Variants in GRIA3 observed in about 807,000 individuals in gnomAD.
GRIA3 encodes the protein glutamate ionotropic receptor AMPA type subunit 3.
GRIA3 carries 3 observed loss-of-function variants against 63.0 expected under a neutral mutation model. The ratio of observed to expected loss-of-function variants is 0.05; its 90% CI spans 0.02 to 0.12. GRIA3 has a LOEUF of 0.12. Among genes scored for constraint, GRIA3 ranks in the 10% least tolerant of loss-of-function variants. The pLI, the probability that GRIA3 is intolerant of heterozygous loss-of-function variation, is 1.00. For missense variants in GRIA3, 347 were observed against 700.9 expected, an observed-to-expected ratio of 0.50 and a Z score of 5.70; for synonymous variants, 274 against 257.9, an observed-to-expected ratio of 1.06 and a Z score of -0.60.
Position 123,279,010 on chromosome X carries a change from G to T in GRIA3, c.508+25468G>T, listed in dbSNP as rs771653700. Among the ~76,000 whole-genome samples the T allele has an allele frequency of 1.6e-4, 18 of 111,497 alleles. No homozygotes were observed. In the South Asian group the frequency reaches 3.8e-3, roughly 24 times the overall value. On this transcript the variant is annotated intron_variant, in intron 3 of 15. Transcript: ENST00000620443. ...TTGCATTGAGTCTGTAGATCACTTT[G>T]GGTAGTATGGATATTTTAACAATAT...
chrX:123,346,447 G>C (rs1423789344), intron 4 of GRIA3, among the ~76,000 whole-genome samples: 1 of 111,772 alleles, frequency 8.9e-6, no homozygotes, highest in Admixed American at 9.5e-5. Flanking sequence ...CTTTCCCCTA[G>C]TGTGTAAGCA....
intron 3 of GRIA3, among the ~76,000 whole-genome samples, chrX:123,312,380 T>C (rs146389530): frequency 3.1e-4 from 35 of 112,145 alleles, no homozygotes; most frequent in African/African-American, 1.1e-3. Context: ...GTGATACGTA[T>C]TTTAAGGTGA....
At chrX:123,406,423 T>C (rs1400561721) in intron 10 of GRIA3, among the ~76,000 whole-genome samples, 3 of 111,884 alleles carry the variant, frequency 2.7e-5, no homozygotes, top group African/African-American at 9.7e-5. Flanking sequence ...AGGACTCTAG[T>C]GCTTGGGATG....
At chrX:123,248,547 AG>A (rs1390037438) in intron 2 of GRIA3, among the ~76,000 whole-genome samples, 4 of 112,030 alleles carry the variant, frequency 3.6e-5, no homozygotes, top group African/African-American at 1.3e-4. Flanking sequence ...GCACTTTGGG[AG>A]GCTGAGGCGG....
At chrX:123,413,040 C>A (rs763110182) in intron 10 of GRIA3, among the ~76,000 whole-genome samples, 37 of 111,831 alleles carry the variant, frequency 3.3e-4, no homozygotes, top group African/African-American at 1.2e-3. Context: ...TAGGAATGGC[C>A]TTCTTTGGGA....
intron 11 of GRIA3, among the ~76,000 whole-genome samples, chrX:123,425,605 T>C (rs1444096728): frequency 1.8e-5 from 2 of 112,231 alleles, no homozygotes; most frequent in East Asian, 2.8e-4. Context: ...CAAAACACCC[T>C]GTATACTTTT....
intron 2 of GRIA3, among the ~76,000 whole-genome samples, chrX:123,208,539 G>T (rs144195253): frequency 1.3e-3 from 142 of 112,344 alleles, no homozygotes; most frequent in African/African-American, 4.3e-3. Context: ...GTGTTTCCAA[G>T]GAGGCAACTC....
At chrX:123,289,226 A>T (rs1364067901) in intron 3 of GRIA3, among the ~76,000 whole-genome samples, 1 of 110,249 alleles carries the variant, frequency 9.1e-6, no homozygotes, top group African/African-American at 3.3e-5. Context: ...CAATGAGAAC[A>T]CATGGACACA....
intron 3 of GRIA3, among the ~76,000 whole-genome samples, chrX:123,283,920 A>C (rs1010049128): frequency 2.7e-5 from 3 of 112,748 alleles, no homozygotes; most frequent in African/African-American, 9.7e-5. Context: ...GGCCTCCTCA[A>C]GTGGGTCCCT....
intron 5 of GRIA3, among the ~76,000 whole-genome samples, chrX:123,382,571 G>A (rs1189818889): frequency 8.9e-6 from 1 of 111,969 alleles, no homozygotes; most frequent in Non-Finnish European, 1.9e-5. Context: ...TGGAGATCAA[G>A]ACACCCAGGT....
At chrX:123,262,494 G>C (rs1453048642) in intron 3 of GRIA3, among the ~76,000 whole-genome samples, 1 of 111,423 alleles carries the variant, frequency 9.0e-6, no homozygotes, top group Non-Finnish European at 1.9e-5. Flanking sequence ...GAAGCAGCAG[G>C]CCAAATAAAT....
At chrX:123,479,052 T>A (rs1458133099) in intron 13 of GRIA3, among the ~76,000 whole-genome samples, 3 of 113,273 alleles carry the variant, frequency 2.6e-5, no homozygotes, top group Non-Finnish European at 5.6e-5. Flanking sequence ...ACTTGCCCAG[T>A]GGCTCTGAAT....
At chrX:123,222,596 T>C (rs2044224975) in intron 2 of GRIA3, among the ~76,000 whole-genome samples, 1 of 112,092 alleles carries the variant, frequency 8.9e-6, no homozygotes, top group South Asian at 3.8e-4. Flanking sequence ...TAAGTTTTCA[T>C]GAGAATTACC....
intron 12 of GRIA3, among the ~76,000 whole-genome samples, chrX:123,459,544 C>A (rs1450708689): frequency 8.9e-6 from 1 of 112,221 alleles, no homozygotes; most frequent in Non-Finnish European, 1.9e-5. Flanking sequence ...TCTGTTCCTT[C>A]TCCATTTATG....
At chrX:123,413,553 A>C (rs1256226161) in intron 10 of GRIA3, among the ~76,000 whole-genome samples, 1 of 98,608 alleles carries the variant, frequency 1.0e-5, no homozygotes, top group Non-Finnish European at 2.0e-5. Flanking sequence ...AAAAAAAAAA[A>C]AAAAAAAAAA....
intron 3 of GRIA3, among the ~76,000 whole-genome samples, chrX:123,299,381 G>T (rs2044706023): frequency 9.0e-6 from 1 of 111,337 alleles, no homozygotes; most frequent in Non-Finnish European, 1.9e-5. Context: ...TTTTCCATTT[G>T]TTTGTGTCAT....
chrX:123,348,212 G>A (rs1431842678), intron 4 of GRIA3, among the ~76,000 whole-genome samples: 3 of 111,875 alleles, frequency 2.7e-5, no homozygotes, highest in South Asian at 3.8e-4. Flanking sequence ...GATACAATTT[G>A]ATATTTAGAA....
At chrX:123,190,881 T>C (rs1286377321) in intron 2 of GRIA3, among the ~76,000 whole-genome samples, 1 of 112,155 alleles carries the variant, frequency 8.9e-6, no homozygotes, top group Non-Finnish European at 1.9e-5. Context: ...AATTTCATTG[T>C]TATGGGTAGT....
At chrX:123,365,599 A>T (rs1468189435) in intron 5 of GRIA3, among the ~76,000 whole-genome samples, 1 of 111,774 alleles carries the variant, frequency 8.9e-6, no homozygotes, top group East Asian at 2.8e-4. Context: ...TTATTATGTG[A>T]AGAATAAACT....
Sources: gnomAD v4.1 joint callset for allele counts (sites outside exome capture counted in the v4.1 genomes callset) on GRCh38, gnomAD v4.1.1 for gene constraint, MANE v1.5 for transcripts, NCBI Gene and HGNC (gene_info 2026-07-23, HGNC 2026-07-21) for gene names.